ERGIC1: variants seen among roughly 807,000 people sequenced by gnomAD.
ERGIC1 encodes endoplasmic reticulum-Golgi intermediate compartment protein 1.
ERGIC1 carries 19 observed loss-of-function variants against 38.3 expected under a neutral mutation model. The observed-to-expected ratio is 0.50, with a 90% CI of 0.35 to 0.73. The LOEUF (loss-of-function observed/expected upper bound fraction) is 0.73, where lower values mean the gene tolerates loss of function less well. Ranked by LOEUF, ERGIC1 falls within the 30% of genes least tolerant of loss-of-function variation. The pLI is 0.01. For synonymous variants in ERGIC1, 124 were observed against 157.6 expected, an observed-to-expected ratio of 0.79 and a Z score of 1.60; for missense variants, 294 against 389.2, an observed-to-expected ratio of 0.76 and a Z score of 2.06.
intron 1 of ERGIC1, among the ~76,000 whole-genome samples, chr5:172,847,957 G>A (rs983735680): frequency 6.6e-6 from 1 of 152,240 alleles, no homozygotes; most frequent in Non-Finnish European, 1.5e-5. Context: ...TAATTGCAAT[G>A]TGTTTGGTTC....
intron 4 of ERGIC1, among the ~76,000 whole-genome samples, chr5:172,911,377 C>A (rs553576464): frequency 6.6e-6 from 1 of 152,208 alleles, no homozygotes; most frequent in Admixed American, 6.5e-5. Flanking sequence ...CAAGGAAATT[C>A]TTAGTCAGAC....
intron 1 of ERGIC1, among the ~76,000 whole-genome samples, chr5:172,860,671 T>C (rs1165098698): frequency 6.6e-6 from 1 of 152,174 alleles, no homozygotes; most frequent in Non-Finnish European, 1.5e-5. Flanking sequence ...AAGCCACCCT[T>C]GGGCTGGGGC....
chr5:172,881,500 C>T (rs1445796292), intron 1 of ERGIC1, among the ~76,000 whole-genome samples: 2 of 152,170 alleles, frequency 1.3e-5, no homozygotes, highest in African/African-American at 4.8e-5. Context: ...ACTCATACTC[C>T]AGTGGCCGGG....
chr5:172,908,300 C>T (rs867361921), intron 3 of ERGIC1, among the ~76,000 whole-genome samples: 11 of 17,152 alleles, frequency 6.4e-4, no homozygotes, highest in African/African-American at 2.9e-3. Context: ...GAGGCTGAGG[C>T]GGGGGCGGGG....
At position 172,951,553 on chromosome 5, in the gene ERGIC1, TCTC is replaced by T. The variant is rs1303127196; in HGVS notation, c.*741_*743del. 3 of 152,150 alleles carry T rather than the reference TCTC, an allele frequency of 2.0e-5. No homozygotes were observed. Among genetic ancestry groups the T allele is most frequent in the African/African-American group, 4.8e-5 (2 of 41,406 alleles). The allele number at this position is 152,150 out of a possible 1,614,324, so 9.4% of individuals were successfully genotyped here. A position where few individuals can be genotyped will look rare whatever the true frequency, so the allele number is the denominator to read the frequency against. On this transcript the variant is annotated 3_prime_UTR_variant, in exon 10 of 10. Transcript: ENST00000393784. ...GGGTCACAGATTCCTCTTCCTCTCT[TCTC>T]CTCGTTCCTCTGAACCCTCCACCAA...
At chr5:172,854,450 A>G (rs1761490910) in intron 1 of ERGIC1, among the ~76,000 whole-genome samples, 1 of 152,232 alleles carries the variant, frequency 6.6e-6, no homozygotes, top group Admixed American at 6.5e-5. Flanking sequence ...ATGAGAAAAA[A>G]AAGTATTTCC....
At chr5:172,848,488 T>C (rs1761331742) in intron 1 of ERGIC1, among the ~76,000 whole-genome samples, 1 of 152,216 alleles carries the variant, frequency 6.6e-6, no homozygotes, top group Non-Finnish European at 1.5e-5. Context: ...CCACCCCTTT[T>C]CTGGCCGCAC....
In ERGIC1 at chr5:172,834,383, C is replaced by A; in HGVS notation, c.-31C>A. 1 of 1,310,698 alleles carries A rather than the reference C, an allele frequency of 7.6e-7. No homozygotes were observed. Among genetic ancestry groups the A allele is most frequent in the South Asian group, 2.2e-5 (1 of 46,084 alleles). 81.2% of individuals were successfully genotyped at this position (1,310,698 alleles called of 1,614,324 possible). ...CACGCGGCGCCGCGGCCCGCCTGGC[C>A]TGCAGCGCTCCCACCCCCGGCGGCG... On this transcript the variant is annotated 5_prime_UTR_variant, in exon 1 of 10. It adds an upstream start codon to the 5' untranslated region. Transcript: ENST00000393784. The surrounding 1 kb of genome is among the most constrained non-coding windows in gnomAD (Gnocchi z 4.1).
intron 2 of ERGIC1, among the ~76,000 whole-genome samples, chr5:172,892,782 C>T (rs937204131): frequency 6.6e-6 from 1 of 152,086 alleles, no homozygotes; most frequent in Non-Finnish European, 1.5e-5. Flanking sequence ...TTCTCTGAGC[C>T]AGGCACTGTG....
At chr5:172,857,541 G>A (rs6867704) in intron 1 of ERGIC1, among the ~76,000 whole-genome samples, 26,711 of 151,488 alleles carry the variant, frequency 0.18, 2,957 homozygotes, top group African/African-American at 0.32. Context: ...GTCCTTCACC[G>A]CCCTGGGACT....
intron 7 of ERGIC1, among the ~76,000 whole-genome samples, chr5:172,927,294 C>G (rs1201254051): frequency 2.0e-5 from 3 of 152,160 alleles, no homozygotes; most frequent in Non-Finnish European, 2.9e-5. Flanking sequence ...CCTTTTAACC[C>G]ACATCTTTTC....
chr5:172,888,136 C>T (rs1233358890), intron 1 of ERGIC1, among the ~76,000 whole-genome samples: 4 of 152,150 alleles, frequency 2.6e-5, no homozygotes, highest in Non-Finnish European at 5.9e-5. Flanking sequence ...CCCCTGCTCT[C>T]GCAGAAGTTA....
chr5:172,946,558 C>G (rs1190483091), intron 9 of ERGIC1, among the ~76,000 whole-genome samples: 2 of 152,240 alleles, frequency 1.3e-5, no homozygotes, highest in Non-Finnish European at 2.9e-5. Context: ...CCTGGCACAG[C>G]CTTGTGGCTG....
At chr5:172,842,620 C>G (rs1315728464) in intron 1 of ERGIC1, among the ~76,000 whole-genome samples, 1 of 152,204 alleles carries the variant, frequency 6.6e-6, no homozygotes, top group Non-Finnish European at 1.5e-5. Flanking sequence ...GCTGCACTAT[C>G]TTTCCTCCCC....
intron 1 of ERGIC1, among the ~76,000 whole-genome samples, chr5:172,886,596 A>G (rs73325156): frequency 0.018 from 2,762 of 152,014 alleles, 80 homozygotes; most frequent in African/African-American, 0.057. Flanking sequence ...ATGTTTGTCA[A>G]ACAAGCGTTA....
chr5:172,864,268 C>CTT (rs60390189), intron 1 of ERGIC1, among the ~76,000 whole-genome samples: 1,416 of 71,110 alleles, frequency 0.02, 48 homozygotes, highest in African/African-American at 0.066. Context: ...ATTTTGTAGT[C>CTT]TTTTTTTTTT....
intron 3 of ERGIC1, among the ~76,000 whole-genome samples, chr5:172,907,672 C>G (rs1763069221): frequency 6.6e-6 from 1 of 152,192 alleles, no homozygotes; most frequent in Admixed American, 6.5e-5. Context: ...TTTGCACATG[C>G]TGCCAGGATG....
At chr5:172,950,600 A>C in intron 9 of ERGIC1, 109 bp from the exon 10 acceptor site, 1 of 918,288 alleles carries the variant, frequency 1.1e-6, no homozygotes. Context: ...CTTAACGGGC[A>C]ATGTCTGCCT....
intron 9 of ERGIC1, among the ~76,000 whole-genome samples, chr5:172,939,987 G>A (rs6864748): frequency 0.27 from 40,589 of 152,154 alleles, 6,393 homozygotes; most frequent in Non-Finnish European, 0.36. Context: ...AAACACTTGC[G>A]TGCAAAGCCC....
Sources: gnomAD v4.1 joint callset for allele counts (sites outside exome capture counted in the v4.1 genomes callset) on GRCh38, gnomAD v4.1.1 for gene constraint, Gnocchi (gnomAD v3.1) non-coding constraint, MANE v1.5 for transcripts, NCBI Gene and HGNC (gene_info 2026-07-23, HGNC 2026-07-21) for gene names.